The following GAN variants were observed in gnomAD, a reference collection of about 807,000 sequenced individuals.
GAN encodes the protein epididymis secretory sperm binding protein.
Under a neutral mutation model 71.3 loss-of-function variants are expected in GAN, and 48 were observed. The ratio of observed to expected loss-of-function variants is 0.67; its 90% CI spans 0.53 to 0.86. GAN has a LOEUF of 0.86. GAN is among the 40% of genes least tolerant of loss of function. GAN has a pLI of 0.00. For synonymous variants in GAN, 386 were observed against 276.8 expected, an observed-to-expected ratio of 1.39 and a Z score of -3.92; for missense variants, 928 against 770.1, an observed-to-expected ratio of 1.21 and a Z score of -2.43.
rs1296013848 is a variant in GAN at position 81,388,786 on chromosome 16, T to C, written c.*11190T>C. 2 of 152,274 alleles carry C rather than the reference T, an allele frequency of 1.3e-5. No individual in the cohort carries two copies. The highest frequency in any genetic ancestry group is 2.9e-5 in the Non-Finnish European group (2 of 68,064). The allele number at this position is 152,274 out of a possible 1,614,324, so 9.4% of individuals were successfully genotyped here. On this transcript the variant is annotated 3_prime_UTR_variant, in exon 11 of 11. Coordinates refer to ENST00000648994, the MANE Select transcript of GAN (RefSeq NM_022041.4). ...CAGCCCTTGTTTCCTTCTTTCCTCTTCAGCTCTGACTTAAAAACACACTAT... is the reference window on the plus strand; with the variant it reads ...CAGCCCTTGTTTCCTTCTTTCCTCTCCAGCTCTGACTTAAAAACACACTAT...
intron 1 of GAN, among the ~76,000 whole-genome samples, chr16:81,340,164 C>G (rs1909894159): frequency 6.6e-6 from 1 of 152,136 alleles, no homozygotes; most frequent in African/African-American, 2.4e-5. Flanking sequence ...GTCTTGAACT[C>G]CTGGGCTCAA....
chr16:81,357,702 T>TC (rs1910537034), intron 4 of GAN, 108 bp from the exon 5 acceptor site: 1 of 1,106,492 alleles, frequency 9.0e-7, no homozygotes, highest in Non-Finnish European at 1.4e-6. Context: ...ACAAGGGTTT[T>TC]TAAAAAATGT....
intron 1 of GAN, among the ~76,000 whole-genome samples, chr16:81,349,554 G>A (rs1234844063): frequency 6.6e-6 from 1 of 152,144 alleles, no homozygotes; most frequent in Non-Finnish European, 1.5e-5. Context: ...TGAGGCAGGA[G>A]AATCACTTGA....
intron 1 of GAN, among the ~76,000 whole-genome samples, chr16:81,319,695 G>T (rs1313625557): frequency 3.3e-5 from 5 of 152,120 alleles, no homozygotes; most frequent in Non-Finnish European, 7.4e-5. Context: ...AAGAATGTAA[G>T]TGGCTTCCCC....
At position 81,381,871 on chromosome 16, in the gene GAN, G is replaced by A. The variant is rs1473608481; in HGVS notation, c.*4275G>A. ...ACCCATATGGGCTGGCCTCCTATAC[G>A]GAGCTGAAACTAGCATGGGCCGGCC... On this transcript the variant is annotated 3_prime_UTR_variant, in exon 11 of 11. Transcript: ENST00000648994. The A allele has an allele frequency of 1.3e-5, 2 of 152,186 alleles. No homozygotes were observed. The highest frequency in any genetic ancestry group is 2.1e-4 in the South Asian group (1 of 4,818). The allele number at this position is 152,186 out of a possible 1,614,324, so 9.4% of individuals were successfully genotyped here. A position where few individuals can be genotyped will look rare whatever the true frequency, so the allele number is the denominator to read the frequency against.
chr16:81,321,612 G>A (rs184498943), intron 1 of GAN, among the ~76,000 whole-genome samples: 7 of 152,238 alleles, frequency 4.6e-5, no homozygotes, highest in Middle Eastern at 3.4e-3. Context: ...ATCAAAGTGG[G>A]ACTTAAAATC....
chr16:81,358,176 C>G (rs1295226679), intron 5 of GAN, among the ~76,000 whole-genome samples: 2 of 152,190 alleles, frequency 1.3e-5, no homozygotes, highest in African/African-American at 4.8e-5. Context: ...TACTTGATGA[C>G]TTAATGTCAG....
Position 81,389,904 on chromosome 16 carries a change from A to G in GAN, c.*12308A>G, listed in dbSNP as rs1369917355. 6.6e-6 allele frequency: 1 copy of G among 152,206 alleles called. No homozygotes were observed. Among genetic ancestry groups the G allele is most frequent in the Non-Finnish European group, 1.5e-5 (1 of 68,042 alleles). 9.4% of individuals were successfully genotyped at this position (152,206 alleles called of 1,614,324 possible). ...GATTTGTCATTTTGATGCTTTGAAT[A>G]CTATAAGGAAAATGCCACGAATACC... On this transcript the variant is annotated 3_prime_UTR_variant, in exon 11 of 11. Coordinates refer to ENST00000648994, the MANE Select transcript of GAN (RefSeq NM_022041.4).
intron 1 of GAN, among the ~76,000 whole-genome samples, chr16:81,343,966 A>G (rs1280938252): frequency 2.0e-5 from 3 of 152,214 alleles, no homozygotes; most frequent in Non-Finnish European, 4.4e-5. Flanking sequence ...GTTGCTATAC[A>G]CCAATAACAG....
At chr16:81,353,826 C>T (rs1412595257) in intron 2 of GAN, among the ~76,000 whole-genome samples, 1 of 151,926 alleles carries the variant, frequency 6.6e-6, no homozygotes, top group African/African-American at 2.4e-5. Flanking sequence ...GGATTTATTC[C>T]AAAAAGTAGT....
At chr16:81,360,619 G>T (rs1191355489) in intron 5 of GAN, among the ~76,000 whole-genome samples, 1 of 150,502 alleles carries the variant, frequency 6.6e-6, no homozygotes, top group Non-Finnish European at 1.5e-5. Context: ...TTTTACAGGA[G>T]AATAACTTAA....
intron 1 of GAN, among the ~76,000 whole-genome samples, chr16:81,332,507 G>A (rs748591515): frequency 6.6e-6 from 1 of 152,170 alleles, no homozygotes; most frequent in Non-Finnish European, 1.5e-5. Context: ...CCCTTCCTTG[G>A]TGTACTTGCT....
At chr16:81,342,580 C>T (rs1267167353) in intron 1 of GAN, among the ~76,000 whole-genome samples, 1 of 152,082 alleles carries the variant, frequency 6.6e-6, no homozygotes, top group Non-Finnish European at 1.5e-5. Context: ...TCTTTGAAAC[C>T]AATGAGAACA....
chr16:81,346,861 T>G (rs1426535750), intron 1 of GAN, among the ~76,000 whole-genome samples: 2 of 152,150 alleles, frequency 1.3e-5, no homozygotes, highest in Non-Finnish European at 2.9e-5. Context: ...AACTCTCACC[T>G]CCTCCAGTGT....
intron 2 of GAN, 149 bp from the exon 3 acceptor site, chr16:81,354,256 A>C: frequency 1.7e-6 from 1 of 602,590 alleles, no homozygotes; most frequent in South Asian, 2.1e-5. Context: ...AAAAAAAAAA[A>C]TGCTGGGTTA....
chr16:81,348,992 C>T (rs956656362), intron 1 of GAN, among the ~76,000 whole-genome samples: 1 of 152,120 alleles, frequency 6.6e-6, no homozygotes, highest in Non-Finnish European at 1.5e-5. Flanking sequence ...CTCAAATGTG[C>T]CTGGTGCTCC....
chr16:81,345,651 G>A (rs1457933436), intron 1 of GAN, among the ~76,000 whole-genome samples: 2 of 152,126 alleles, frequency 1.3e-5, no homozygotes, highest in African/African-American at 2.4e-5. Context: ...TGTAGGTGAC[G>A]GGTTAATGGG....
At chr16:81,322,608 T>C (rs2150667569) in intron 1 of GAN, among the ~76,000 whole-genome samples, 1 of 152,380 alleles carries the variant, frequency 6.6e-6, no homozygotes, top group Non-Finnish European at 1.5e-5. Flanking sequence ...TTCTCTCAAC[T>C]ACAAAGTTGT....
chr16:81,367,928 G>A (rs751262121), intron 9 of GAN, among the ~76,000 whole-genome samples: 3 of 152,168 alleles, frequency 2.0e-5, no homozygotes, highest in Non-Finnish European at 1.5e-5. Context: ...AAAATAACAT[G>A]TAGGAGTAGT....
Sources: gnomAD v4.1 joint callset for allele counts (sites outside exome capture counted in the v4.1 genomes callset) on GRCh38, gnomAD v4.1.1 for gene constraint, MANE v1.5 for transcripts, NCBI Gene and HGNC (gene_info 2026-07-23, HGNC 2026-07-21) for gene names.